PRORP: variants seen among roughly 807,000 people sequenced by gnomAD.
The protein encoded by PRORP is mitochondrial ribonuclease P catalytic subunit.
PRORP carries 51 observed loss-of-function variants against 59.4 expected under a neutral mutation model. The ratio of observed to expected loss-of-function variants is 0.86; its 90% CI spans 0.69 to 1.08. The LOEUF (loss-of-function observed/expected upper bound fraction) is 1.08, where lower values mean the gene tolerates loss of function less well. Ranked by LOEUF, PRORP falls within the 50% of genes least tolerant of loss-of-function variation. PRORP has a pLI of 0.00. For missense variants in PRORP, 646 were observed against 690.3 expected (o/e 0.94, Z 0.72); for synonymous variants, 231 against 245.6 (o/e 0.94, Z 0.55).
chr14:35,239,272 C>T (rs560804943), intron 5 of PRORP, among the ~76,000 whole-genome samples: 3 of 151,784 alleles, frequency 2.0e-5, no homozygotes, highest in Admixed American at 6.6e-5. Context: ...GCAGGAAAAC[C>T]CAGAGGCGGA....
intron 4 of PRORP, among the ~76,000 whole-genome samples, chr14:35,145,732 A>AAG (rs2047589360): frequency 1.6e-5 from 2 of 127,758 alleles, no homozygotes; most frequent in African/African-American, 2.5e-5. Context: ...AAAGAAAGAA[A>AAG]GAAGGAAGGA....
intron 4 of PRORP, among the ~76,000 whole-genome samples, chr14:35,172,490 TCCTCTCTCCCTCTCTCCCTCTCTC>T (rs374315224): frequency 1.9e-5 from 2 of 102,888 alleles, no homozygotes; most frequent in African/African-American, 8.8e-5. Flanking sequence ...TTCTTTCCCT[TCCTCTCTCCCTCTCTCCCTCTCTC>T]CCTCTCTCCC....
At chr14:35,219,575 T>C (rs1026273038) in intron 5 of PRORP, among the ~76,000 whole-genome samples, 1 of 152,184 alleles carries the variant, frequency 6.6e-6, no homozygotes, top group Admixed American at 6.5e-5. Flanking sequence ...ATGATTTGGA[T>C]TTGCTGTCAT....
At chr14:35,130,178 C>T (rs2047203974) in intron 4 of PRORP, among the ~76,000 whole-genome samples, 1 of 151,630 alleles carries the variant, frequency 6.6e-6, no homozygotes, top group African/African-American at 2.4e-5. Context: ...CTACAGGTGC[C>T]CGCCACCATG....
chr14:35,127,711 G>T lies in PRORP; in HGVS notation c.1167+100G>T, dbSNP rs148995973. ...GATACTAAATATTTTAGGCTTTGTA[G>T]GTCATCGGTCCCTGTTGCAACTTTT... On this transcript the variant is annotated intron_variant, in intron 4 of 7. Coordinates refer to ENST00000534898, the MANE Select transcript of PRORP (RefSeq NM_014672.4). 4 of 1,256,442 alleles carry T rather than the reference G, an allele frequency of 3.2e-6. No homozygotes were observed. In the African/African-American group the frequency reaches 4.6e-5, roughly 14 times the overall value. The allele number at this position is 1,256,442 out of a possible 1,614,324, so 77.8% of individuals were successfully genotyped here.
At chr14:35,255,349 C>A (rs568376107) in intron 5 of PRORP, among the ~76,000 whole-genome samples, 11 of 151,920 alleles carry the variant, frequency 7.2e-5, no homozygotes, top group African/African-American at 2.7e-4. Context: ...AGGCTGGTCT[C>A]GAACTCCTGA....
upstream of PRORP, chr14:35,122,057 G>A (rs2046923670): frequency 2.2e-6 from 3 of 1,355,630 alleles, no homozygotes; most frequent in East Asian, 2.3e-5. Context: ...GTAAAGGTTA[G>A]GAAGGCCGTC....
At chr14:35,130,483 TC>T (rs1367663653) in intron 4 of PRORP, among the ~76,000 whole-genome samples, 6 of 127,490 alleles carry the variant, frequency 4.7e-5, no homozygotes, top group African/African-American at 1.9e-4. Flanking sequence ...AATGTCCTTT[TC>T]TTTTTTTTTT....
At chr14:35,166,003 C>T (rs8015470) in intron 4 of PRORP, among the ~76,000 whole-genome samples, 84,734 of 151,648 alleles carry the variant, frequency 0.56, 23,890 homozygotes, top group East Asian at 0.68. Context: ...TTTTTAATCT[C>T]GGGGAAGTTA....
chr14:35,272,355 G>A (rs961186749), intron 7 of PRORP, among the ~76,000 whole-genome samples: 1 of 152,188 alleles, frequency 6.6e-6, no homozygotes, highest in Non-Finnish European at 1.5e-5. Context: ...GCTCACTTGT[G>A]TAATCCCAGC....
intron 5 of PRORP, among the ~76,000 whole-genome samples, chr14:35,191,945 C>G (rs979897303): frequency 6.6e-6 from 1 of 152,156 alleles, no homozygotes; most frequent in Non-Finnish European, 1.5e-5. Flanking sequence ...GTTTTAACCC[C>G]CCAAAATATC....
At chr14:35,156,676 G>A (rs1197256271) in intron 4 of PRORP, among the ~76,000 whole-genome samples, 1 of 152,146 alleles carries the variant, frequency 6.6e-6, no homozygotes, top group South Asian at 2.1e-4. Flanking sequence ...GCAGATTCAT[G>A]CAGTATAAAT....
intron 4 of PRORP, among the ~76,000 whole-genome samples, chr14:35,172,453 C>CTTTCTTTCTTTCTTTCTTTCTT: frequency 2.1e-5 from 1 of 46,758 alleles, no homozygotes; most frequent in African/African-American, 6.0e-5. Flanking sequence ...TCCTTCCTTC[C>CTTTCTTTCTTTCTTTCTTTCTT]TTCTTTCTTT....
chr14:35,201,032 G>T (rs974062309), intron 5 of PRORP, among the ~76,000 whole-genome samples: 1 of 152,084 alleles, frequency 6.6e-6, no homozygotes, highest in African/African-American at 2.4e-5. Context: ...TGAGAATAAT[G>T]GTCAAATATT....
chr14:35,146,164 A>C (rs2047606175), intron 4 of PRORP, among the ~76,000 whole-genome samples: 1 of 152,166 alleles, frequency 6.6e-6, no homozygotes, highest in South Asian at 2.1e-4. Context: ...TTTAATCATA[A>C]TCACAGTCCC....
chr14:35,210,075 T>TGA (rs2049399552), intron 5 of PRORP, among the ~76,000 whole-genome samples: 1 of 152,194 alleles, frequency 6.6e-6, no homozygotes, highest in African/African-American at 2.4e-5. Flanking sequence ...AAATTAAAAT[T>TGA]AACAGTAAAA....
intron 4 of PRORP, among the ~76,000 whole-genome samples, chr14:35,127,872 G>C (rs561375334): frequency 6.6e-6 from 1 of 152,118 alleles, no homozygotes; most frequent in Non-Finnish European, 1.5e-5. Context: ...CCAACCTTTC[G>C]GAGAGATTGC....
intron 4 of PRORP, among the ~76,000 whole-genome samples, chr14:35,179,692 T>A (rs1164308545): frequency 6.6e-6 from 1 of 152,240 alleles, no homozygotes; most frequent in Admixed American, 6.5e-5. Context: ...AACTTCCTTC[T>A]TCAGCTTAGA....
Position 35,126,770 on chromosome 14 carries a change from C to G in PRORP, c.1022C>G (p.Thr341Arg). 1 of 1,609,426 alleles carries G rather than the reference C, an allele frequency of 6.2e-7. No homozygotes were observed. The highest frequency in any genetic ancestry group is 8.5e-7 in the Non-Finnish European group (1 of 1,177,470). Residue 341 changes from threonine to arginine, a missense_variant, in exon 3 of 8, where the codon ACA becomes AGA. Coordinates refer to ENST00000534898, the MANE Select transcript of PRORP (RefSeq NM_014672.4). The part of the protein sequence containing the change: ...PGKQWKGQFT[T>R]VRKSGQCSGC... ...AAACAATGGAAAGGACAATTCACCA[C>G]AGTCCGAAAAAGGTGAAGACCAATG...
Sources: gnomAD v4.1 joint callset for allele counts (sites outside exome capture counted in the v4.1 genomes callset) on GRCh38, gnomAD v4.1.1 for gene constraint, MANE v1.5 for transcripts, NCBI Gene and HGNC (gene_info 2026-07-23, HGNC 2026-07-21) for gene names.